The following M1AP variants were observed in gnomAD, a reference collection of about 807,000 sequenced individuals.
The protein encoded by M1AP is meiosis 1 associated protein, also known as meiosis 1 arrest protein.
In M1AP, 39 loss-of-function variants were observed where a neutral mutation model predicts 51.2. The ratio of observed to expected loss-of-function variants is 0.76; its 90% CI spans 0.59 to 1.00. The LOEUF (loss-of-function observed/expected upper bound fraction) is 1.00, where lower values mean the gene tolerates loss of function less well. Ranked by LOEUF, M1AP falls within the 50% of genes least tolerant of loss-of-function variation. M1AP has a pLI of 0.00. For synonymous variants in M1AP, 251 were observed against 249.2 expected (o/e 1.01, Z -0.07); for missense variants, 545 against 641.2 (o/e 0.85, Z 1.62).
At chr2:74,602,322 TC>T (rs1427561948) in intron 4 of M1AP, among the ~76,000 whole-genome samples, 1 of 152,214 alleles carries the variant, frequency 6.6e-6, no homozygotes, top group Non-Finnish European at 1.5e-5. Flanking sequence ...CAGTCTTAGT[TC>T]CAGGTAACTG....
chr2:74,632,837 T>C (rs1682778445), intron 2 of M1AP, among the ~76,000 whole-genome samples: 1 of 152,154 alleles, frequency 6.6e-6, no homozygotes. Context: ...CTGCCTTTTC[T>C]AGTGGAGTGA....
chr2:74,640,611 C>T (rs1194007516), intron 1 of M1AP, among the ~76,000 whole-genome samples: 2 of 152,158 alleles, frequency 1.3e-5, no homozygotes, highest in Non-Finnish European at 2.9e-5. Context: ...CAGGTGCACA[C>T]CACCACGCCC....
intron 2 of M1AP, among the ~76,000 whole-genome samples, chr2:74,637,307 T>C (rs1683042256): frequency 6.6e-6 from 1 of 152,238 alleles, no homozygotes; most frequent in Admixed American, 6.5e-5. Context: ...ACTTTTAAAA[T>C]GTCTTCTATA....
intron 4 of M1AP, among the ~76,000 whole-genome samples, chr2:74,605,696 G>C (rs970101516): frequency 6.6e-6 from 1 of 151,876 alleles, no homozygotes; most frequent in Admixed American, 6.6e-5. Flanking sequence ...ATCAGGAGAC[G>C]GAGACCATCC....
In M1AP at chr2:74,558,556, G is replaced by C; in HGVS notation, c.*160C>G. 1.3e-6 allele frequency: 1 copy of C among 748,272 alleles called. No homozygotes were observed. 46.4% of individuals were successfully genotyped at this position (748,272 alleles called of 1,614,324 possible). A position where few individuals can be genotyped will look rare whatever the true frequency, so the allele number is the denominator to read the frequency against. On this transcript the variant is annotated 3_prime_UTR_variant, in exon 11 of 11. Coordinates refer to ENST00000421985, the MANE Select transcript of M1AP (RefSeq NM_001321739.2). ...GTGTCGCTTCCAGACTTGAGGAGTG[G>C]GACAGCACTGAAACAGGACAGGAAG...
intron 5 of M1AP, among the ~76,000 whole-genome samples, chr2:74,579,558 C>T (rs771576856): frequency 1.3e-5 from 2 of 152,104 alleles, no homozygotes; most frequent in Non-Finnish European, 2.9e-5. Context: ...TTCTCTAAGT[C>T]TCAGTTTTCT....
At chr2:74,604,092 A>G (rs994250119) in intron 4 of M1AP, among the ~76,000 whole-genome samples, 1 of 152,162 alleles carries the variant, frequency 6.6e-6, no homozygotes, top group South Asian at 2.1e-4. Flanking sequence ...ATTTTCATAC[A>G]TTTCCACTGC....
At chr2:74,645,663 C>T (rs1683566314) in intron 1 of M1AP, among the ~76,000 whole-genome samples, 1 of 152,150 alleles carries the variant, frequency 6.6e-6, no homozygotes, top group South Asian at 2.1e-4. Flanking sequence ...TCAACTCCCC[C>T]TTAATTTGCA....
intron 10 of M1AP, among the ~76,000 whole-genome samples, chr2:74,559,212 G>A (rs921469189): frequency 7.9e-5 from 12 of 151,630 alleles, no homozygotes; most frequent in African/African-American, 2.9e-4. Flanking sequence ...AAGCTGGAGT[G>A]CAGTGGCACA....
chr2:74,647,417 C>T (rs1055685358), intron 1 of M1AP: 1 of 985,124 alleles, frequency 1.0e-6, no homozygotes, highest in Non-Finnish European at 1.2e-6. Flanking sequence ...CTGGCAGGGC[C>T]CTATTAAAGA....
At chr2:74,602,293 T>A (rs577475727) in intron 4 of M1AP, among the ~76,000 whole-genome samples, 1 of 152,166 alleles carries the variant, frequency 6.6e-6, no homozygotes, top group African/African-American at 2.4e-5. Context: ...TCGTTAGTGA[T>A]AGAAAGATAT....
chr2:74,631,760 G>T (rs1298542938), intron 2 of M1AP, among the ~76,000 whole-genome samples: 1 of 152,050 alleles, frequency 6.6e-6, no homozygotes, highest in African/African-American at 2.4e-5. Context: ...CGGCACAATG[G>T]ATATAAAAGG....
At chr2:74,558,925 C>A in intron 10 of M1AP, 51 bp from the exon 11 acceptor site, 1 of 1,523,788 alleles carries the variant, frequency 6.6e-7, no homozygotes, top group Non-Finnish European at 8.8e-7. Context: ...TTTCTGAGCA[C>A]CTATCCCATT....
chr2:74,628,467 A>G, intron 2 of M1AP: 3 of 422,980 alleles, frequency 7.1e-6, no homozygotes, highest in Non-Finnish European at 4.8e-6. Context: ...CACCATACCC[A>G]TGATAACCAC....
chr2:74,645,580 A>T (rs1208297597), intron 1 of M1AP, among the ~76,000 whole-genome samples: 1 of 152,174 alleles, frequency 6.6e-6, no homozygotes, highest in Non-Finnish European at 1.5e-5. Flanking sequence ...CAACACTCAG[A>T]AGTTACCATC....
chr2:74,614,836 G>T, intron 3 of M1AP, 128 bp downstream of exon 3: 1 of 827,830 alleles, frequency 1.2e-6, no homozygotes, highest in Non-Finnish European at 1.9e-6. Flanking sequence ...GTAGGGAGCT[G>T]AAAATCTTGC....
chr2:74,644,992 C>T (rs1683516759), intron 1 of M1AP, among the ~76,000 whole-genome samples: 1 of 152,130 alleles, frequency 6.6e-6, no homozygotes, highest in Non-Finnish European at 1.5e-5. Context: ...GGTCCCCTTC[C>T]ACACTGTGGA....
chr2:74,569,811 A>C (rs1036806844), intron 7 of M1AP, among the ~76,000 whole-genome samples: 14 of 152,078 alleles, frequency 9.2e-5, no homozygotes, highest in African/African-American at 3.4e-4. Flanking sequence ...TCAATTTATA[A>C]TATATGGCTG....
At chr2:74,627,949 T>C (rs1682493988) in intron 2 of M1AP, among the ~76,000 whole-genome samples, 1 of 152,124 alleles carries the variant, frequency 6.6e-6, no homozygotes, top group African/African-American at 2.4e-5. Context: ...AGCTTTGAGA[T>C]AAACTAAGAA....
Sources: gnomAD v4.1 joint callset for allele counts (sites outside exome capture counted in the v4.1 genomes callset) on GRCh38, gnomAD v4.1.1 for gene constraint, MANE v1.5 for transcripts, NCBI Gene and HGNC (gene_info 2026-07-23, HGNC 2026-07-21) for gene names.